The following SETX variants were observed in gnomAD, a reference collection of about 807,000 sequenced individuals.
SETX encodes the protein helicase senataxin.
A neutral mutation model predicts 227.2 loss-of-function variants in SETX; 90 were observed. The observed-to-expected ratio is 0.40, with a 90% CI of 0.33 to 0.47. The LOEUF is 0.47. Ranked by LOEUF, SETX falls within the 20% of genes least tolerant of loss-of-function variation. The pLI is 0.91. For synonymous variants in SETX, 1,210 were observed against 1,113.2 expected (o/e 1.09, Z -1.73); for missense variants, 3,052 against 3,181.5 (o/e 0.96, Z 0.98).
intron 10 of SETX, among the ~76,000 whole-genome samples, chr9:132,326,025 C>T (rs946811309): frequency 1.3e-4 from 20 of 151,076 alleles, no homozygotes; most frequent in Admixed American, 9.2e-4. Context: ...AATCTAAAAC[C>T]AGTATCTAAA....
chr9:132,325,430 T>C (rs1846673259), intron 10 of SETX, among the ~76,000 whole-genome samples: 1 of 150,076 alleles, frequency 6.7e-6, no homozygotes, highest in Non-Finnish European at 1.5e-5. Flanking sequence ...ATTCATTACT[T>C]TGTGTTCAAT....
At chr9:132,340,558 T>C (rs1003173818) in intron 5 of SETX, among the ~76,000 whole-genome samples, 6 of 139,214 alleles carry the variant, frequency 4.3e-5, no homozygotes, top group African/African-American at 7.8e-5. Flanking sequence ...ACTCACTCAC[T>C]GCCACGCATT....
At chr9:132,354,993 C>T (rs915593473), upstream of SETX, 2 of 152,294 alleles carry the variant, frequency 1.3e-5, no homozygotes, top group African/African-American at 2.4e-5. Context: ...AAGTGCGGGC[C>T]CGCAGCCGCA....
Position 132,263,974 on chromosome 9 carries a change from T to G in SETX, c.*265A>C, listed in dbSNP as rs1842505105. On this transcript the variant is annotated 3_prime_UTR_variant, in exon 26 of 26. Coordinates refer to ENST00000224140, the MANE Select transcript of SETX (RefSeq NM_015046.7). ...AACATTCACTCCAGTCTGACCTCCT[T>G]GTCTATAGAAGACTAAGAGATCAAC... The G allele has an allele frequency of 1.9e-6, 1 of 530,052 alleles. No homozygotes were observed. The allele number at this position is 530,052 out of a possible 1,614,324, so 32.8% of individuals were successfully genotyped here.
chr9:132,301,830 C>T (rs898192286), intron 11 of SETX, among the ~76,000 whole-genome samples: 6 of 152,170 alleles, frequency 3.9e-5, no homozygotes, highest in East Asian at 3.8e-4. Flanking sequence ...TGGGGAAAGA[C>T]GGTTGTAAAC....
chr9:132,268,284 T>C (rs1842739485), intron 25 of SETX, among the ~76,000 whole-genome samples: 1 of 152,170 alleles, frequency 6.6e-6, no homozygotes, highest in East Asian at 1.9e-4. Context: ...TAGGCCGAGG[T>C]GGGATGACTT....
At chr9:132,345,590 A>T (rs544672156) in intron 4 of SETX, among the ~76,000 whole-genome samples, 26 of 151,302 alleles carry the variant, frequency 1.7e-4, no homozygotes, top group African/African-American at 6.4e-4. Context: ...AAAATTATTA[A>T]TAATTGAACA....
Position 132,284,881 on chromosome 9 carries a change from G to T in SETX, c.6397-1468C>A, listed in dbSNP as rs1272861751. Among the ~76,000 whole-genome samples, 184 of 147,930 alleles carry T rather than the reference G, an allele frequency of 1.2e-3. 1 individual carries two copies. Among genetic ancestry groups the T allele is most frequent in the South Asian group, 4.7e-3 (22 of 4,680 alleles). On this transcript the variant is annotated intron_variant, in intron 18 of 25. Coordinates refer to ENST00000224140, the MANE Select transcript of SETX (RefSeq NM_015046.7). ...AAACACCCACAAAGCTATTTTTTTTGTTGTTTTTTTTTTTTGAGACGGAGT... is the reference window on the plus strand; with the variant it reads ...AAACACCCACAAAGCTATTTTTTTTTTTGTTTTTTTTTTTTGAGACGGAGT...
intron 10 of SETX, among the ~76,000 whole-genome samples, chr9:132,313,686 A>G (rs1845800267): frequency 6.6e-6 from 1 of 152,206 alleles, no homozygotes; most frequent in African/African-American, 2.4e-5. Flanking sequence ...ACTAAATGAA[A>G]TAACTTCAAA....
rs999660002 is a variant in SETX, at chr9:132,311,295, G to A, written c.5374+462C>T. Among the ~76,000 whole-genome samples the A allele has an allele frequency of 6.6e-5, 10 of 152,114 alleles. 1 individual carries two copies. The highest frequency in any genetic ancestry group is 2.9e-5 in the Non-Finnish European group (2 of 68,014). On this transcript the variant is annotated intron_variant, in intron 11 of 25. Transcript: ENST00000224140. ...TTTTTTTTTAAGCACATCTACAGAG[G>A]AGGATGGATGGGGGTTGGGGGTAAA...
chr9:132,329,143 T>C lies in SETX; in HGVS notation c.2455A>G (p.Asn819Asp), dbSNP rs2131452476. The change falls in exon 10 of 26, where the codon AAC becomes GAC. Residue 819 changes from asparagine (N) to aspartate (D), a missense_variant. Asn to Asp is a conservative substitution (Grantham distance 23, BLOSUM62 1). Coordinates refer to ENST00000224140, the MANE Select transcript of SETX (RefSeq NM_015046.7). Reference protein sequence around the residue: ...INLDENLTVSNIESFYSRKDT... With the variant: ...INLDENLTVSDIESFYSRKDT... ...TTCCTTGAATAGAAACTCTCAATGTTAGATACAGTCAAATTTTCATCTAAA... is the reference window on the plus strand; with the variant it reads ...TTCCTTGAATAGAAACTCTCAATGTCAGATACAGTCAAATTTTCATCTAAA... The C allele has an allele frequency of 6.2e-7, 1 of 1,611,490 alleles. No individual in the cohort carries two copies. Among genetic ancestry groups the C allele is most frequent in the African/African-American group, 1.3e-5 (1 of 74,994 alleles).
intron 11 of SETX, among the ~76,000 whole-genome samples, chr9:132,305,751 G>C (rs1046785655): frequency 6.6e-6 from 1 of 152,196 alleles, no homozygotes; most frequent in Non-Finnish European, 1.5e-5. Context: ...GAGGACCTAA[G>C]TGTCCTAGAC....
At position 132,327,851 on chromosome 9, in the gene SETX, G is replaced by A. The variant is rs1235020811; in HGVS notation, c.3747C>T (p.Ala1249=). The change falls in exon 10 of 26, where the codon GCC becomes GCT. Residue 1249 remains alanine (A), a synonymous_variant. Coordinates refer to ENST00000224140, the MANE Select transcript of SETX (RefSeq NM_015046.7). Reference sequence around the variant, plus strand: ...TTGAACTTCTATTCTGTCCTTTTTTGGCATCTGAATGAGTTTTCTTAGGGG... The same window carrying A: ...TTGAACTTCTATTCTGTCCTTTTTTAGCATCTGAATGAGTTTTCTTAGGGG... ...SKTPKKTHSD[A]KKGQNRSSNY... 6.2e-7 allele frequency: 1 copy of A among 1,613,936 alleles called. No individual in the cohort carries two copies. Among genetic ancestry groups the A allele is most frequent in the Non-Finnish European group, 8.5e-7 (1 of 1,179,976 alleles).
Position 132,346,276 on chromosome 9 carries a change from G to A in SETX, c.373C>T (p.Leu125=), listed in dbSNP as rs1206306151. 6.2e-7 allele frequency: 1 copy of A among 1,613,180 alleles called. No homozygotes were observed. The highest frequency in any genetic ancestry group is 8.5e-7 in the Non-Finnish European group (1 of 1,179,392). Residue 125 remains leucine, a synonymous_variant, in exon 4 of 26, where the codon CTA becomes TTA. Transcript: ENST00000224140. The part of the protein sequence containing the change: ...LEILKYPYLL[L]HERVNELCVE... The stretch of plus-strand genomic sequence containing the variant: ...AGATACTCACTAACACGTTCATGTA[G>A]AAGCAAGTAAGGATATTTCAGTATT...
chr9:132,297,387 GTTTT>G (rs1844734994), intron 13 of SETX, among the ~76,000 whole-genome samples: 1 of 152,016 alleles, frequency 6.6e-6, no homozygotes, highest in Non-Finnish European at 1.5e-5. Context: ...TTACTACTCT[GTTTT>G]TTTCCTTCTT....
chr9:132,321,092 C>G (rs993520786), intron 10 of SETX, among the ~76,000 whole-genome samples: 1 of 152,222 alleles, frequency 6.6e-6, no homozygotes, highest in African/African-American at 2.4e-5. Flanking sequence ...AATGCTCCAA[C>G]ACCTCTCCTC....
At chr9:132,275,013 C>A in intron 23 of SETX, 1 of 517,676 alleles carries the variant, frequency 1.9e-6, no homozygotes, top group East Asian at 3.2e-5. Flanking sequence ...AAAGACCTGG[C>A]AAGTTTCTTA....
intron 5 of SETX, among the ~76,000 whole-genome samples, chr9:132,337,634 T>A (rs1847708954): frequency 6.6e-6 from 1 of 152,204 alleles, no homozygotes; most frequent in Non-Finnish European, 1.5e-5. Flanking sequence ...CAACAAATTA[T>A]AAACTACTGA....
At chr9:132,351,087 G>A (rs1042142449) in intron 2 of SETX, among the ~76,000 whole-genome samples, 1 of 152,156 alleles carries the variant, frequency 6.6e-6, no homozygotes, top group South Asian at 2.1e-4. Context: ...TTATTCAAAA[G>A]AAGAATTACT....
Sources: gnomAD v4.1 joint callset for allele counts (sites outside exome capture counted in the v4.1 genomes callset) on GRCh38, gnomAD v4.1.1 for gene constraint, MANE v1.5 for transcripts, NCBI Gene and HGNC (gene_info 2026-07-23, HGNC 2026-07-21) for gene names.